Variants in TJAP1 observed in about 807,000 individuals in gnomAD.
TJAP1 encodes the protein tight junction-associated protein 1.
A neutral mutation model predicts 42.0 loss-of-function variants in TJAP1; 27 were observed. The observed-to-expected ratio is 0.64, with a 90% CI of 0.47 to 0.89. The LOEUF is 0.89. Among genes scored for constraint, TJAP1 ranks in the 40% least tolerant of loss-of-function variants. The probability of loss-of-function intolerance (pLI) is 0.00; values close to 1 mark genes in which losing one functional copy is unlikely to be tolerated. For synonymous variants in TJAP1, 257 were observed against 288.4 expected (o/e 0.89, Z 1.10); for missense variants, 712 against 726.9 (o/e 0.98, Z 0.24).
intron 2 of TJAP1, among the ~76,000 whole-genome samples, chr6:43,493,043 C>G (rs1209827881): frequency 6.6e-6 from 1 of 152,068 alleles, no homozygotes; most frequent in Non-Finnish European, 1.5e-5. Context: ...TTATTTATAC[C>G]CTGCTGGGTT....
At chr6:43,499,188 G>C (rs989297629) in intron 4 of TJAP1, 88 bp downstream of exon 4, 2 of 1,563,732 alleles carry the variant, frequency 1.3e-6, no homozygotes, top group Non-Finnish European at 1.7e-6. Context: ...CTGAGCTTCT[G>C]GTCCTGAGTT....
chr6:43,495,790 T>C lies in TJAP1; in HGVS notation c.-121-2091T>C, dbSNP rs180906753. 2.0e-3 allele frequency among the ~76,000 whole-genome samples: 312 copies of C among 152,202 alleles called. 2 individuals are homozygous for C. Among genetic ancestry groups the C allele is most frequent in the African/African-American group, 6.8e-3 (281 of 41,508 alleles). On this transcript the variant is annotated intron_variant, in intron 2 of 10. Coordinates refer to ENST00000372449, the Ensembl canonical transcript of TJAP1. This position sits in a 1 kb window ranked among gnomAD's most constrained non-coding sequence, Gnocchi z 4.6. ...GGAAGCCCTGGGGATAAATACATGCTGTAGGGCCAGGGAGTGGGGCTTGAG... is the reference window on the plus strand; with the variant it reads ...GGAAGCCCTGGGGATAAATACATGCCGTAGGGCCAGGGAGTGGGGCTTGAG...
chr6:43,493,304 T>G (rs1029118334), intron 2 of TJAP1, among the ~76,000 whole-genome samples: 1 of 152,216 alleles, frequency 6.6e-6, no homozygotes, highest in Non-Finnish European at 1.5e-5. Context: ...GGCTTCGTAG[T>G]AGGTTCAGAA....
chr6:43,501,800 C>G (rs1790729763), intron 6 of TJAP1, 113 bp downstream of exon 6: 1 of 605,028 alleles, frequency 1.7e-6, no homozygotes, highest in Non-Finnish European at 3.0e-6. Context: ...TGTCTCTCTC[C>G]TTTCATAGGA....
chr6:43,481,218 G>A (rs1027076743), intron 2 of TJAP1, among the ~76,000 whole-genome samples: 1 of 152,090 alleles, frequency 6.6e-6, no homozygotes, highest in Non-Finnish European at 1.5e-5. Context: ...TGTGGTGAGG[G>A]AGCCTGCTGT....
chr6:43,481,683 A>G (rs1785354099), intron 2 of TJAP1, among the ~76,000 whole-genome samples: 1 of 151,990 alleles, frequency 6.6e-6, no homozygotes, highest in African/African-American at 2.4e-5. Context: ...TGTTGTTTGA[A>G]GAAGGCCCTG....
chr6:43,500,561 G>A, intron 4 of TJAP1, 183 bp from the exon 5 acceptor site: 1 of 614,094 alleles, frequency 1.6e-6, no homozygotes, highest in South Asian at 2.0e-5. Flanking sequence ...GCATGGGAGA[G>A]GGTAGTCGAG....
chr6:43,503,818 C>A (rs1424715608), intron 10 of TJAP1, 112 bp downstream of exon 10: 1 of 924,674 alleles, frequency 1.1e-6, no homozygotes, highest in Non-Finnish European at 1.8e-6. Flanking sequence ...ACTTTGCCCT[C>A]CTCTTGCCTC....
chr6:43,482,533 T>C (rs1337122316), intron 2 of TJAP1, among the ~76,000 whole-genome samples: 2 of 152,204 alleles, frequency 1.3e-5, no homozygotes, highest in Non-Finnish European at 2.9e-5. Context: ...AGTTTAAACG[T>C]CACTTCCTTT....
At chr6:43,498,334 G>A (rs924023429) in intron 3 of TJAP1, among the ~76,000 whole-genome samples, 1 of 152,222 alleles carries the variant, frequency 6.6e-6, no homozygotes, top group East Asian at 1.9e-4. Context: ...GGAAGGCCAA[G>A]ACAGAGGGAT....
In TJAP1 at chr6:43,505,644, T is replaced by A; in HGVS notation, c.1463T>A (p.Leu488Gln). 1 of 1,613,364 alleles carries A rather than the reference T, an allele frequency of 6.2e-7. No homozygotes were observed. The highest frequency in any genetic ancestry group is 8.5e-7 in the Non-Finnish European group (1 of 1,179,950). Residue 488 changes from leucine to glutamine, a missense_variant, in exon 11 of 11, where the codon CTG becomes CAG. This residue lies in a region of TJAP1 where 549 missense variants were observed against 528.2 expected (regional missense o/e 1.04). Coordinates refer to ENST00000372449, the Ensembl canonical transcript of TJAP1. The surrounding 1 kb of genome is among the most constrained non-coding windows in gnomAD (Gnocchi z 5.5). ...CCCAGGGAGGAAGAAGAGCTGAACC[T>A]GCCTATCAGTCCTGAGGAAGAGCGC...
In TJAP1 at chr6:43,500,725, G is replaced by A; in HGVS notation, c.100-19G>A. 1 of 1,614,156 alleles carries A rather than the reference G, an allele frequency of 6.2e-7. No individual in the cohort carries two copies. Among genetic ancestry groups the A allele is most frequent in the Non-Finnish European group, 8.5e-7 (1 of 1,180,014 alleles). On this transcript the variant is annotated intron_variant, in intron 4 of 10. Transcript: ENST00000372449. ...CCAGTGGTCCAGAGCTGAGCCTCAA[G>A]CCTCTCTTTTTTGCCTAGGAACCCC...
At chr6:43,484,309 A>G (rs1422689160) in intron 2 of TJAP1, among the ~76,000 whole-genome samples, 1 of 151,646 alleles carries the variant, frequency 6.6e-6, no homozygotes, top group Non-Finnish European at 1.5e-5. Flanking sequence ...AAATACAAAA[A>G]TTAGCCGGGC....
intron 10 of TJAP1, chr6:43,504,072 A>T: frequency 2.4e-6 from 1 of 418,498 alleles, no homozygotes; most frequent in Non-Finnish European, 4.6e-6. Flanking sequence ...CTTCAGGCCC[A>T]AGGTTTATGT....
rs760420145 is a variant in TJAP1 at position 43,501,527 on chromosome 6, C to A, written c.130C>A (p.Leu44Ile). The A allele has an allele frequency of 7.4e-6, 12 of 1,612,628 alleles. No individual in the cohort carries two copies. The South Asian group carries it at 1.2e-4, about 16-fold the overall frequency. Residue 44 changes from leucine to isoleucine, a missense_variant and splice_region_variant, in exon 6 of 11, where the codon CTC becomes ATC. Around this residue, in one of 3 missense-constraint regions of TJAP1, gnomAD observed 158 missense variants for 182.1 expected, o/e 0.87. Coordinates refer to ENST00000372449, the Ensembl canonical transcript of TJAP1. ...CTTGATCCCACAACACCCTGCCAGGCTCTTACAGGAGGAGAATGAAGAGCT... is the reference window on the plus strand; with the variant it reads ...CTTGATCCCACAACACCCTGCCAGGATCTTACAGGAGGAGAATGAAGAGCT...
At position 43,505,070 on chromosome 6, in the gene TJAP1, G is replaced by T. The variant is rs1791980491; in HGVS notation, c.889G>T (p.Ala297Ser). 2 of 1,613,924 alleles carry T rather than the reference G, an allele frequency of 1.2e-6. No individual in the cohort carries two copies. The highest frequency in any genetic ancestry group is 1.7e-6 in the Non-Finnish European group (2 of 1,180,022). ...TGGGGAGTGCCACTCTCTGGGTACT[G>T]CCAGGGGCTCCCCGGAGGAAGAGCT... The change falls in exon 11 of 11, where the codon GCC becomes TCC. Residue 297 changes from alanine to serine, a missense_variant. By Grantham distance (99) the Ala-to-Ser change is moderately conservative. Transcript: ENST00000372449. The surrounding 1 kb of genome is among the most constrained non-coding windows in gnomAD (Gnocchi z 5.5).
chr6:43,501,890 G>GCC lies in TJAP1; in HGVS notation c.290+204_290+205dup, dbSNP rs1289452463. Among the ~76,000 whole-genome samples the GCC allele has an allele frequency of 2.7e-3, 147 of 55,388 alleles. 1 individual carries two copies. Among genetic ancestry groups the GCC allele is most frequent in the Non-Finnish European group, 3.5e-3 (114 of 32,388 alleles). The allele number at this position is 55,388 out of a possible 152,430, so 36.3% of individuals were successfully genotyped here. A position where few individuals can be genotyped will look rare whatever the true frequency, so the allele number is the denominator to read the frequency against. ...AGTTCTGCAGGTGTGGGAATGCGGGGCCACACACACACACACACACACACA... is the reference window on the plus strand; with the variant it reads ...AGTTCTGCAGGTGTGGGAATGCGGGGCCCCACACACACACACACACACACACA... On this transcript the variant is annotated intron_variant, in intron 6 of 10. Transcript: ENST00000372449.
chr6:43,505,710 C>T lies in TJAP1; in HGVS notation c.1529C>T (p.Pro510Leu). 1 of 1,584,954 alleles carries T rather than the reference C, an allele frequency of 6.3e-7. No homozygotes were observed. Among genetic ancestry groups the T allele is most frequent in the African/African-American group, 1.3e-5 (1 of 74,240 alleles). ...ATTAACAGGGGCACAGAGGAGGGGC[C>T]AGGCACTTCCCACACCGAGGGCAGG... Residue 510 changes from proline (P) to leucine (L), a missense_variant, in exon 11 of 11, where the codon CCA (proline) becomes CTA (leucine). By Grantham distance (98) the Pro-to-Leu change is moderately conservative. This residue lies in a region of TJAP1 where 549 missense variants were observed against 528.2 expected (regional missense o/e 1.04). Coordinates refer to ENST00000372449, the Ensembl canonical transcript of TJAP1. The surrounding 1 kb of genome is among the most constrained non-coding windows in gnomAD (Gnocchi z 5.5).
chr6:43,503,148 C>T, intron 8 of TJAP1: 1 of 536,456 alleles, frequency 1.9e-6, no homozygotes, highest in Non-Finnish European at 3.3e-6. Flanking sequence ...AGGGGATGGA[C>T]AGCTCTTATA....
Sources: gnomAD v4.1 joint callset for allele counts (sites outside exome capture counted in the v4.1 genomes callset) on GRCh38, gnomAD v4.1.1 for gene constraint, gnomAD v4.1.1 regional missense constraint, Gnocchi (gnomAD v3.1) non-coding constraint, MANE v1.5 for transcripts, NCBI Gene and HGNC (gene_info 2026-07-23, HGNC 2026-07-21) for gene names.